The following XCR1 variants were observed in gnomAD, a reference collection of about 807,000 sequenced individuals.
XCR1 encodes X-C motif chemokine receptor 1.
For synonymous variants in XCR1, 187 were observed against 188.5 expected (o/e 0.99, Z 0.06); for missense variants, 356 against 424.2 (o/e 0.84, Z 1.41).
intron 1 of XCR1, chr3:46,022,201 C>CG (rs1553631260): frequency 7.6e-6 from 3 of 396,226 alleles, no homozygotes; most frequent in South Asian, 5.2e-5. Context: ...CTCAGGAAAC[C>CG]GGGGGGTGGG....
rs185952454 is a variant in XCR1, at chr3:46,064,984, G to T, written c.-183+1915C>A. 2.6e-5 allele frequency among the ~76,000 whole-genome samples: 4 copies of T among 152,178 alleles called. No homozygotes were observed. In the East Asian group the frequency reaches 7.7e-4, roughly 29 times the overall value. On this transcript the variant is annotated intron_variant, in intron 4 of 5. Transcript: ENST00000683768. ...CGCATGCCTGTAATCCCAGCTACTCGGGAGGCTGAGGCAGGAGAATTGCTT... is the reference window on the plus strand; with the variant it reads ...CGCATGCCTGTAATCCCAGCTACTCTGGAGGCTGAGGCAGGAGAATTGCTT...
At chr3:46,063,316 C>G (rs1465829542) in intron 4 of XCR1, among the ~76,000 whole-genome samples, 1 of 152,126 alleles carries the variant, frequency 6.6e-6, no homozygotes. Flanking sequence ...GGAGAAAGAG[C>G]CATTGGAGAA....
upstream of XCR1, among the ~76,000 whole-genome samples, chr3:46,032,131 G>A (rs1011889743): frequency 3.3e-5 from 5 of 152,344 alleles, no homozygotes; most frequent in Non-Finnish European, 7.4e-5. Flanking sequence ...AAATGGTGAC[G>A]CTAAAAGAAC....
intron 3 of XCR1, among the ~76,000 whole-genome samples, chr3:46,067,196 G>C (rs1200505234): frequency 6.6e-6 from 1 of 152,204 alleles, no homozygotes; most frequent in Non-Finnish European, 1.5e-5. Context: ...AGTGTGGTAA[G>C]TTCTATGTGA....
At chr3:46,048,870 T>C (rs1210175301) in intron 5 of XCR1, among the ~76,000 whole-genome samples, 1 of 152,210 alleles carries the variant, frequency 6.6e-6, no homozygotes, top group African/African-American at 2.4e-5. Flanking sequence ...TTTTGTCTTT[T>C]CAACATGCAT....
chr3:46,021,545 G>T lies in XCR1; in HGVS notation c.403C>A (p.Leu135Ile). ...IHRYLSVVSP[L>I]STLRVPTLRC... is the part of the protein sequence containing the mutation. The stretch of plus-strand genomic sequence containing the variant: ...AGGGTGGGGACGCGCAGGGTGGAGA[G>T]GGGGCTCACTACCGACAGGTAGCGG... The change falls in exon 2 of 2, where the codon CTC becomes ATC. Residue 135 changes from leucine (L) to isoleucine (I), a missense_variant. Physicochemically the swap from Leu to Ile is conservative, Grantham distance 5. Transcript: ENST00000309285. This position sits in a 1 kb window ranked among gnomAD's most constrained non-coding sequence, Gnocchi z 4.7. The T allele has an allele frequency of 6.2e-7, 1 of 1,610,998 alleles. No individual in the cohort carries two copies. Among genetic ancestry groups the T allele is most frequent in the Non-Finnish European group, 8.5e-7 (1 of 1,178,398 alleles).
intron 1 of XCR1, among the ~76,000 whole-genome samples, chr3:46,026,835 G>A (rs1385232146): frequency 6.6e-6 from 1 of 151,550 alleles, no homozygotes; most frequent in African/African-American, 2.4e-5. Context: ...ACCTGCCTTG[G>A]CCTCCCAAAG....
intron 5 of XCR1, among the ~76,000 whole-genome samples, chr3:46,035,098 G>T (rs1575416099): frequency 6.6e-6 from 1 of 152,184 alleles, no homozygotes; most frequent in East Asian, 1.9e-4. Context: ...GGGATTACAG[G>T]TGCTCACCAC....
At chr3:46,023,354 GT>G in intron 1 of XCR1, 1 of 1,379,806 alleles carries the variant, frequency 7.2e-7, no homozygotes, top group Non-Finnish European at 1.0e-6. Flanking sequence ...CGAGCCGACC[GT>G]TTATTAGCTG....
chr3:46,062,904 G>A (rs1697993077), intron 4 of XCR1, among the ~76,000 whole-genome samples: 1 of 152,210 alleles, frequency 6.6e-6, no homozygotes, highest in Non-Finnish European at 1.5e-5. Flanking sequence ...TGCAGGAGCT[G>A]GCTCATACCA....
upstream of XCR1, among the ~76,000 whole-genome samples, chr3:46,031,909 C>A (rs115244139): frequency 5.9e-5 from 9 of 152,288 alleles, no homozygotes; most frequent in African/African-American, 2.2e-4. Flanking sequence ...AATGGGATAA[C>A]CTGCCTGCAG....
intron 5 of XCR1, among the ~76,000 whole-genome samples, chr3:46,036,613 T>C (rs1224420296): frequency 6.6e-6 from 1 of 152,218 alleles, no homozygotes; most frequent in Non-Finnish European, 1.5e-5. Flanking sequence ...TCTTAAGAAT[T>C]GTTAACATAT....
intron 2 of XCR1, among the ~76,000 whole-genome samples, chr3:46,076,337 T>G (rs1311564542): frequency 6.6e-6 from 1 of 152,170 alleles, no homozygotes; most frequent in Non-Finnish European, 1.5e-5. Flanking sequence ...AATTGTTGAA[T>G]GTAAGGTATG....
At chr3:46,073,906 TAA>T (rs547551677) in intron 3 of XCR1, among the ~76,000 whole-genome samples, 9 of 142,886 alleles carry the variant, frequency 6.3e-5, no homozygotes, top group African/African-American at 1.5e-4. Context: ...GAATGGCAAT[TAA>T]AAAAAAAAAA....
intron 5 of XCR1, among the ~76,000 whole-genome samples, chr3:46,035,447 G>A (rs1047569541): frequency 1.3e-5 from 2 of 152,182 alleles, no homozygotes; most frequent in Non-Finnish European, 2.9e-5. Flanking sequence ...GGACCTAGAC[G>A]AAACTCCTGG....
chr3:46,024,850 T>C (rs1028391584), intron 1 of XCR1, among the ~76,000 whole-genome samples: 2 of 152,198 alleles, frequency 1.3e-5, no homozygotes, highest in Non-Finnish European at 2.9e-5. Context: ...GATGCATGAG[T>C]GGAAGTAATG....
chr3:46,036,722 T>C (rs1469404004), intron 5 of XCR1, among the ~76,000 whole-genome samples: 1 of 152,204 alleles, frequency 6.6e-6, no homozygotes, highest in Non-Finnish European at 1.5e-5. Flanking sequence ...AACAAAATGA[T>C]CTTTGTAGGA....
intron 4 of XCR1, among the ~76,000 whole-genome samples, chr3:46,061,164 A>AT (rs1471117577): frequency 6.6e-6 from 1 of 152,184 alleles, no homozygotes; most frequent in African/African-American, 2.4e-5. Flanking sequence ...GTAAGTGTCT[A>AT]TTCCAGTAAG....
At position 46,021,577 on chromosome 3, in the gene XCR1, G is replaced by A. The variant is rs1575406086; in HGVS notation, c.371C>T (p.Thr124Ile). The change falls in exon 2 of 2, where the codon ACC (threonine) becomes ATC (isoleucine). Residue 124 changes from threonine to isoleucine, a missense_variant. By Grantham distance (89) the Thr-to-Ile change is moderately conservative. Transcript: ENST00000309285. This position sits in a 1 kb window ranked among gnomAD's most constrained non-coding sequence, Gnocchi z 4.7. Reference protein sequence around the residue: ...YSSIFFLTIMTIHRYLSVVSP... With the variant: ...YSSIFFLTIMIIHRYLSVVSP... ...CACTACCGACAGGTAGCGGTGGATG[G>A]TCATGATGGTCAGGAAGAAGATGCT... 6.2e-7 allele frequency: 1 copy of A among 1,611,534 alleles called. No homozygotes were observed. Among genetic ancestry groups the A allele is most frequent in the Admixed American group, 1.7e-5 (1 of 59,584 alleles).
Sources: allele counts gnomAD v4.1 joint callset (sites outside exome capture counted in the v4.1 genomes callset), GRCh38; gene constraint gnomAD v4.1.1; non-coding constraint Gnocchi (gnomAD v3.1); transcripts MANE v1.5; gene names NCBI Gene and HGNC (gene_info 2026-07-23, HGNC 2026-07-21).